The following ERP44 variants were observed in gnomAD, a reference collection of about 807,000 sequenced individuals.
ERP44 encodes the protein endoplasmic reticulum resident protein 44.
ERP44 carries 25 observed loss-of-function variants against 53.4 expected under a neutral mutation model. That is an observed-to-expected ratio of 0.47 (90% CI 0.34 to 0.65). The LOEUF is 0.65. Among genes scored for constraint, ERP44 ranks in the 30% least tolerant of loss-of-function variants. ERP44 has a pLI of 0.01. For missense variants in ERP44, 338 were observed against 493.2 expected (o/e 0.69, Z 2.98); for synonymous variants, 145 against 161.2 (o/e 0.90, Z 0.76).
chr9:100,098,185 G>A (rs1826671640), intron 1 of ERP44, among the ~76,000 whole-genome samples: 1 of 152,152 alleles, frequency 6.6e-6, no homozygotes, highest in Non-Finnish European at 1.5e-5. Context: ...GGGGAAATAC[G>A]TTGCAATAAG....
At chr9:100,052,617 A>T in intron 3 of ERP44, 85 bp from the exon 4 acceptor site, 29 of 608,394 alleles carry the variant, frequency 4.8e-5, no homozygotes, top group East Asian at 6.2e-5. Flanking sequence ...GACATTTGAT[A>T]TAGGCATAAT....
intron 8 of ERP44, among the ~76,000 whole-genome samples, chr9:100,010,484 G>A (rs1267979629): frequency 6.6e-6 from 1 of 152,212 alleles, no homozygotes; most frequent in Non-Finnish European, 1.5e-5. Context: ...TACCACAGCA[G>A]GCAAATAGTC....
intron 4 of ERP44, among the ~76,000 whole-genome samples, chr9:100,051,937 T>C (rs770017009): frequency 7.2e-5 from 11 of 152,152 alleles, no homozygotes; most frequent in Non-Finnish European, 1.6e-4. Flanking sequence ...AAAAATAGTC[T>C]AAACCAGAAT....
intron 4 of ERP44, among the ~76,000 whole-genome samples, chr9:100,032,840 T>C (rs931086723): frequency 6.6e-6 from 1 of 152,178 alleles, no homozygotes; most frequent in Non-Finnish European, 1.5e-5. Flanking sequence ...ATTCTGACTT[T>C]AGAGGAAAAA....
At chr9:100,061,415 G>A (rs1021782412) in intron 1 of ERP44, among the ~76,000 whole-genome samples, 2 of 150,900 alleles carry the variant, frequency 1.3e-5, no homozygotes, top group East Asian at 3.9e-4. Context: ...CTGCACTCCA[G>A]CCTGGGCAAC....
chr9:100,098,087 T>C (rs113977062), intron 1 of ERP44, among the ~76,000 whole-genome samples: 1 of 152,158 alleles, frequency 6.6e-6, no homozygotes, highest in Non-Finnish European at 1.5e-5. Flanking sequence ...AAAGATTCTT[T>C]TAAGATGGGA....
intron 10 of ERP44, among the ~76,000 whole-genome samples, chr9:100,004,312 G>A (rs1830406319): frequency 1.3e-5 from 2 of 152,220 alleles, no homozygotes; most frequent in African/African-American, 4.8e-5. Flanking sequence ...GGGTCTGTGA[G>A]TGCTAGCCTC....
rs563148941 is a variant in ERP44 at position 100,003,031 on chromosome 9, T to A, written c.1016+3475A>T. 2.0e-5 allele frequency among the ~76,000 whole-genome samples: 3 copies of A among 152,310 alleles called. No homozygotes were observed. The East Asian group carries it at 5.8e-4, about 29-fold the overall frequency. On this transcript the variant is annotated intron_variant, in intron 10 of 11. Coordinates refer to ENST00000262455, the MANE Select transcript of ERP44 (RefSeq NM_015051.3). ...TCTGTATGTTTTCAAATAACCTGTA[T>A]GTTCAGGTTTAAATTCTTTCTTCTA...
At chr9:100,025,125 C>T (rs1240893963) in intron 4 of ERP44, among the ~76,000 whole-genome samples, 1 of 152,030 alleles carries the variant, frequency 6.6e-6, no homozygotes, top group Non-Finnish European at 1.5e-5. Flanking sequence ...ATTAAAGAAC[C>T]CAAATCTAAT....
intron 1 of ERP44, among the ~76,000 whole-genome samples, chr9:100,087,768 C>T (rs1268664681): frequency 6.6e-6 from 1 of 152,034 alleles, no homozygotes; most frequent in East Asian, 1.9e-4. Context: ...CACTCTACAT[C>T]AGGATTAAAC....
chr9:100,040,839 T>C (rs978125658), intron 4 of ERP44, among the ~76,000 whole-genome samples: 4 of 152,008 alleles, frequency 2.6e-5, no homozygotes, highest in African/African-American at 9.7e-5. Flanking sequence ...CTTACAAAAA[T>C]CAGTAGCATT....
intron 1 of ERP44, among the ~76,000 whole-genome samples, chr9:100,075,549 G>C (rs956503437): frequency 6.6e-6 from 1 of 152,188 alleles, no homozygotes; most frequent in African/African-American, 2.4e-5. Context: ...GATCCAGAGA[G>C]CAAGAAGTAG....
chr9:100,026,249 C>G (rs1048016929), intron 4 of ERP44, among the ~76,000 whole-genome samples: 5 of 152,212 alleles, frequency 3.3e-5, no homozygotes, highest in African/African-American at 1.2e-4. Flanking sequence ...CTATGGCCTC[C>G]TGGTACTTAG....
rs141967160 is a variant in ERP44, at chr9:100,088,910, T to C, written c.57+9874A>G. On this transcript the variant is annotated intron_variant, in intron 1 of 11. Transcript: ENST00000262455. ...TCCAGAAGATATCCTAAAACCAGAG[T>C]ACAGGTACAAATAAACAAACTGGAT... Among the ~76,000 whole-genome samples the C allele has an allele frequency of 4.4e-3, 674 of 152,188 alleles. 3 individuals are homozygous for C. The highest frequency in any genetic ancestry group is 0.016 in the African/African-American group (648 of 41,530).
intron 1 of ERP44, among the ~76,000 whole-genome samples, chr9:100,067,425 G>T (rs900151917): frequency 6.6e-6 from 1 of 152,204 alleles, no homozygotes; most frequent in African/African-American, 2.4e-5. Context: ...GCTCCTAACC[G>T]CGAGTGATCC....
intron 1 of ERP44, among the ~76,000 whole-genome samples, chr9:100,094,905 G>A (rs780424453): frequency 6.6e-6 from 1 of 151,362 alleles, no homozygotes; most frequent in Non-Finnish European, 1.5e-5. Context: ...CTCAGAGGTT[G>A]AGGCTGCAGT....
intron 4 of ERP44, among the ~76,000 whole-genome samples, chr9:100,022,450 T>C (rs181588263): frequency 1.0e-3 from 157 of 152,336 alleles, no homozygotes; most frequent in African/African-American, 3.6e-3. Context: ...TTACTGGCCA[T>C]GTGAACTGGT....
Position 100,007,737 on chromosome 9 carries a change from T to C in ERP44, c.763-48A>G, listed in dbSNP as rs568648074. Reference sequence around the variant, plus strand: ...AGAATTATCAGGCTTCTCCATTCAGTTGTAGCTATTTTCTAGGTAGGAACA... The same window carrying C: ...AGAATTATCAGGCTTCTCCATTCAGCTGTAGCTATTTTCTAGGTAGGAACA... On this transcript the variant is annotated intron_variant, in intron 8 of 11. Coordinates refer to ENST00000262455, the MANE Select transcript of ERP44 (RefSeq NM_015051.3). 10 of 1,004,910 alleles carry C rather than the reference T, an allele frequency of 1.0e-5. No individual in the cohort carries two copies. The African/African-American group carries it at 1.1e-4, about 11-fold the overall frequency. 62.2% of individuals were successfully genotyped at this position (1,004,910 alleles called of 1,614,324 possible).
intron 10 of ERP44, among the ~76,000 whole-genome samples, chr9:99,995,920 C>CTTTTTTTTTTTTTTTT (rs34632626): frequency 1.6e-5 from 2 of 121,410 alleles, no homozygotes; most frequent in South Asian, 2.6e-4. Context: ...TAGGGTAGTT[C>CTTTTTTTTTTTTTTTT]TTTTTTTTTT....
Sources: gnomAD v4.1 joint callset for allele counts (sites outside exome capture counted in the v4.1 genomes callset) on GRCh38, gnomAD v4.1.1 for gene constraint, MANE v1.5 for transcripts, NCBI Gene and HGNC (gene_info 2026-07-23, HGNC 2026-07-21) for gene names.